Variants in NCBP3 observed in about 807,000 individuals in gnomAD.
The protein encoded by NCBP3 is nuclear cap-binding protein subunit 3.
Under a neutral mutation model 75.7 loss-of-function variants are expected in NCBP3, and 20 were observed. That is an observed-to-expected ratio of 0.26 (90% confidence interval 0.19 to 0.38). The LOEUF is 0.38. NCBP3 is among the 10% of genes least tolerant of loss of function. The pLI, the probability that NCBP3 is intolerant of heterozygous loss-of-function variation, is 1.00. For synonymous variants in NCBP3, 293 were observed against 290.5 expected (o/e 1.01, Z -0.09); for missense variants, 678 against 796.9 (o/e 0.85, Z 1.80).
In NCBP3 at chr17:3,818,525, C is replaced by T. The variant is rs756805194; in HGVS notation, c.1048G>A (p.Glu350Lys). 1 of 1,610,978 alleles carries T rather than the reference C, an allele frequency of 6.2e-7. No individual in the cohort carries two copies. The highest frequency in any genetic ancestry group is 8.5e-7 in the Non-Finnish European group (1 of 1,179,860). ...EEPIEEEEEE[E>K]EEEEEEEEED... ...TCTTCCTCTTCCTCTTCCTCCTCCT[C>T]CTCCTCTTCCTCCTCTTCAATGGGT... Residue 350 changes from glutamate (E) to lysine (K), a missense_variant, in exon 10 of 13, where the codon GAG becomes AAG. By Grantham distance (56) the Glu-to-Lys change is moderately conservative (BLOSUM62 1). Transcript: ENST00000389005. The surrounding 1 kb of genome is among the most constrained non-coding windows in gnomAD (Gnocchi z 4.7).
chr17:3,840,298 T>C, intron 2 of NCBP3, 93 bp from the exon 3 acceptor site: 1 of 1,007,704 alleles, frequency 9.9e-7, no homozygotes, highest in South Asian at 1.4e-5. Flanking sequence ...AAACCTGAAC[T>C]AAAAAAGAAG....
rs1201628797 is a variant in NCBP3, at chr17:3,831,694, T to C, written c.356-2326A>G. ...TTACATATGAAACTGGGGCCCACAGTACCTCTCCACATCCCTTCTTTCCCT... is the reference window on the plus strand; with the variant it reads ...TTACATATGAAACTGGGGCCCACAGCACCTCTCCACATCCCTTCTTTCCCT... On this transcript the variant is annotated intron_variant, in intron 3 of 12. Transcript: ENST00000389005. 1.6e-5 allele frequency among the ~76,000 whole-genome samples: 2 copies of C among 122,142 alleles called. 1 individual carries two copies. The highest frequency in any genetic ancestry group is 4.0e-5 in the Non-Finnish European group (2 of 50,520). 80.1% of individuals were successfully genotyped at this position (122,142 alleles called of 152,430 possible).
At position 3,840,213 on chromosome 17, in the gene NCBP3, G is replaced by A. The variant is rs2054040141; in HGVS notation, c.250-8C>T. On this transcript the variant is annotated splice_polypyrimidine_tract_variant and splice_region_variant and intron_variant, in intron 2 of 12. Transcript: ENST00000389005. ...TTTCTTTTCAATTGCTTCCTAGAAA[G>A]TACAGAAAAAGTGAAAGTAGTAAAA... 1 of 1,550,312 alleles carries A rather than the reference G, an allele frequency of 6.5e-7. No homozygotes were observed. The highest frequency in any genetic ancestry group is 1.4e-5 in the African/African-American group (1 of 72,982).
chr17:3,845,931 G>C (rs1223542852), intron 1 of NCBP3, 110 bp downstream of exon 1: 2 of 1,246,726 alleles, frequency 1.6e-6, no homozygotes, highest in Non-Finnish European at 1.1e-6. Context: ...CTCCTCTCCC[G>C]CTCCCTTGAC....
In NCBP3 at chr17:3,821,095, T is replaced by C. The variant is rs1056743679; in HGVS notation, c.1000+154A>G. Among the ~76,000 whole-genome samples, 6 of 152,272 alleles carry C rather than the reference T, an allele frequency of 3.9e-5. No homozygotes were observed. The South Asian group carries it at 1.0e-3, about 26-fold the overall frequency. On this transcript the variant is annotated intron_variant, in intron 9 of 12. Coordinates refer to ENST00000389005, the MANE Select transcript of NCBP3 (RefSeq NM_001114118.3). Reference sequence around the variant, plus strand: ...ACCTCTTTGGGCAACTTAAAATTAATTGTGACTTGACTTACTTTCCTATAT... The same window carrying C: ...ACCTCTTTGGGCAACTTAAAATTAACTGTGACTTGACTTACTTTCCTATAT...
chr17:3,843,026 T>C, intron 2 of NCBP3, 60 bp downstream of exon 2: 1 of 1,268,822 alleles, frequency 7.9e-7, no homozygotes, highest in South Asian at 1.3e-5. Context: ...GTCCTAGGGA[T>C]CAAATTCATT....
At position 3,808,037 on chromosome 17, in the gene NCBP3, TC is replaced by T. The variant is rs1181775769; in HGVS notation, c.*5006del. 1 of 152,182 alleles carries T rather than the reference TC, an allele frequency of 6.6e-6. No individual in the cohort carries two copies. The highest frequency in any genetic ancestry group is 1.9e-4 in the East Asian group (1 of 5,198). 9.4% of individuals were successfully genotyped at this position (152,182 alleles called of 1,614,324 possible). ...AAAACAAATCAGTTGTTTGGGCCAT[TC>T]CGCTGGCCCCTCCTTCACTCCATGA... On this transcript the variant is annotated 3_prime_UTR_variant, in exon 13 of 13. Coordinates refer to ENST00000389005, the MANE Select transcript of NCBP3 (RefSeq NM_001114118.3).
chr17:3,823,443 A>G (rs1218029130), intron 7 of NCBP3, among the ~76,000 whole-genome samples: 1 of 152,212 alleles, frequency 6.6e-6, no homozygotes, highest in Non-Finnish European at 1.5e-5. Context: ...AAATAAACAA[A>G]CAGGTAAAAA....
At position 3,818,477 on chromosome 17, in the gene NCBP3, C is replaced by G. The variant is rs1247496184; in HGVS notation, c.1096G>C (p.Asp366His). Reference sequence around the variant, plus strand: ...TGGTACTCTACCACCACTCTGTCATCTGCATCCATGTCCTGGTCTTCTTCT... The same window carrying G: ...TGGTACTCTACCACCACTCTGTCATGTGCATCCATGTCCTGGTCTTCTTCT... ...EEEEDQDMDA[D>H]DRVVVEYHEE... Residue 366 changes from aspartate to histidine, a missense_variant, in exon 10 of 13, where the codon GAT becomes CAT. Coordinates refer to ENST00000389005, the MANE Select transcript of NCBP3 (RefSeq NM_001114118.3). This position sits in a 1 kb window ranked among gnomAD's most constrained non-coding sequence, Gnocchi z 4.7. 6.2e-7 allele frequency: 1 copy of G among 1,613,920 alleles called. No individual in the cohort carries two copies. The highest frequency in any genetic ancestry group is 8.5e-7 in the Non-Finnish European group (1 of 1,180,048).
rs1412499209 is a variant in NCBP3, at chr17:3,808,157, C to G, written c.*4887G>C. ...AAGCTCCCCAAAAGTGATCTTCTCG[C>G]CTAAATGTGGTTCTAACACCCCAAA... On this transcript the variant is annotated 3_prime_UTR_variant, in exon 13 of 13. Transcript: ENST00000389005. 1 of 152,160 alleles carries G rather than the reference C, an allele frequency of 6.6e-6. No individual in the cohort carries two copies. Among genetic ancestry groups the G allele is most frequent in the African/African-American group, 2.4e-5 (1 of 41,426 alleles). 9.4% of individuals were successfully genotyped at this position (152,160 alleles called of 1,614,324 possible).
chr17:3,825,602 C>T (rs972017281), intron 6 of NCBP3, among the ~76,000 whole-genome samples, 165 bp downstream of exon 6: 16 of 152,130 alleles, frequency 1.1e-4, no homozygotes, highest in Middle Eastern at 3.2e-3. Flanking sequence ...CAAGGTGAAT[C>T]GCTATATCCA....
In NCBP3 at chr17:3,818,566, A is replaced by G. The variant is rs898718483; in HGVS notation, c.1007T>C (p.Val336Ala). 10 of 1,597,870 alleles carry G rather than the reference A, an allele frequency of 6.3e-6. No homozygotes were observed. Among genetic ancestry groups the G allele is most frequent in the East Asian group, 2.2e-5 (1 of 44,786 alleles). ...TSYKHRHSGL[V>A]NVPEEPIEEE... ...TTCAATGGGTTCCTCGGGAACATTCACTAGCCCTGAAGAAATTTAACCAGA... is the reference window on the plus strand; with the variant it reads ...TTCAATGGGTTCCTCGGGAACATTCGCTAGCCCTGAAGAAATTTAACCAGA... The change falls in exon 10 of 13, where the codon GTG (valine) becomes GCG (alanine). Residue 336 changes from valine (V) to alanine (A), a missense_variant. Val to Ala is a moderately conservative substitution (Grantham distance 64, BLOSUM62 0). Coordinates refer to ENST00000389005, the MANE Select transcript of NCBP3 (RefSeq NM_001114118.3). This position sits in a 1 kb window ranked among gnomAD's most constrained non-coding sequence, Gnocchi z 4.7.
In NCBP3 at chr17:3,808,597, G is replaced by C. The variant is rs1026054300; in HGVS notation, c.*4447C>G. 1 of 152,316 alleles carries C rather than the reference G, an allele frequency of 6.6e-6. No homozygotes were observed. The highest frequency in any genetic ancestry group is 1.5e-5 in the Non-Finnish European group (1 of 68,122). 9.4% of individuals were successfully genotyped at this position (152,316 alleles called of 1,614,324 possible). On this transcript the variant is annotated 3_prime_UTR_variant, in exon 13 of 13. Transcript: ENST00000389005. The stretch of plus-strand genomic sequence containing the variant: ...AACAGCTCTGTGCACAGTCTGTAGG[G>C]CTAGTGAGATCAAGATACATTTAGG...
intron 2 of NCBP3, among the ~76,000 whole-genome samples, chr17:3,840,457 C>T (rs941646320): frequency 2.0e-5 from 3 of 152,212 alleles, no homozygotes; most frequent in Non-Finnish European, 2.9e-5. Flanking sequence ...AGTAGGAACT[C>T]AGTGAGTATC....
At chr17:3,844,969 T>C (rs766514510) in intron 1 of NCBP3, among the ~76,000 whole-genome samples, 5 of 152,144 alleles carry the variant, frequency 3.3e-5, no homozygotes, top group Non-Finnish European at 5.9e-5. Context: ...TTGAACTGAA[T>C]GACTAAAGGG....
At chr17:3,845,300 T>C (rs778462134) in intron 1 of NCBP3, among the ~76,000 whole-genome samples, 2 of 152,170 alleles carry the variant, frequency 1.3e-5, no homozygotes, top group African/African-American at 2.4e-5. Context: ...AAGTAATTCA[T>C]GTTAGGTGAG....
At position 3,829,366 on chromosome 17, in the gene NCBP3, T is replaced by C. The variant is rs758418958; in HGVS notation, c.358A>G (p.Ile120Val). Residue 120 changes from isoleucine (I) to valine (V), a missense_variant and splice_region_variant, in exon 4 of 13, where the codon ATC becomes GTC. By Grantham distance (29) the Ile-to-Val change is conservative. Transcript: ENST00000389005. ...ATTGTCTCCAGTCTCACCTTGGGGA[T>C]TGCTAGAAAGACAAGACACAGAAAA... ...ALDRDMMKKA[I>V]PKVRLETIYI... is the part of the protein sequence containing the mutation. 10 of 1,551,562 alleles carry C rather than the reference T, an allele frequency of 6.4e-6. No homozygotes were observed. The highest frequency in any genetic ancestry group is 1.7e-4 in the Middle Eastern group (1 of 6,014).
At position 3,814,225 on chromosome 17, in the gene NCBP3, GT is replaced by G. The variant is rs1283947549; in HGVS notation, c.1627+96del. Reference sequence around the variant, plus strand: ...TAATCACTTATATTTGGCGTGGGCTGTTTCTTGCCTTCTGCTAAGAAAGTAT... The same window carrying G: ...TAATCACTTATATTTGGCGTGGGCTGTTCTTGCCTTCTGCTAAGAAAGTAT... On this transcript the variant is annotated intron_variant, in intron 12 of 12. Transcript: ENST00000389005. The G allele has an allele frequency of 2.3e-6, 3 of 1,306,452 alleles. No individual in the cohort carries two copies. The African/African-American group carries it at 4.4e-5, about 19-fold the overall frequency. 80.9% of individuals were successfully genotyped at this position (1,306,452 alleles called of 1,614,324 possible). A position where few individuals can be genotyped will look rare whatever the true frequency, so the allele number is the denominator to read the frequency against.
At chr17:3,817,756 G>C (rs1182136834) in intron 10 of NCBP3, among the ~76,000 whole-genome samples, 1 of 152,158 alleles carries the variant, frequency 6.6e-6, no homozygotes, top group African/African-American at 2.4e-5. Flanking sequence ...TAGTGCAATT[G>C]TAAGAAAATA....
Sources: gnomAD v4.1 joint callset for allele counts (sites outside exome capture counted in the v4.1 genomes callset) on GRCh38, gnomAD v4.1.1 for gene constraint, Gnocchi (gnomAD v3.1) non-coding constraint, MANE v1.5 for transcripts, NCBI Gene and HGNC (gene_info 2026-07-23, HGNC 2026-07-21) for gene names.